Variants in FBXO15 observed in about 807,000 individuals in gnomAD.
FBXO15 encodes the protein F-box only protein 15.
FBXO15 carries 30 observed loss-of-function variants against 49.5 expected under a neutral mutation model. That is an observed-to-expected ratio of 0.61 (90% confidence interval 0.45 to 0.82). FBXO15 has a LOEUF of 0.82. Ranked by LOEUF, FBXO15 falls within the 40% of genes least tolerant of loss-of-function variation. The pLI, the probability that FBXO15 is intolerant of heterozygous loss-of-function variation, is 0.00. For missense variants in FBXO15, 591 were observed against 631.5 expected, an observed-to-expected ratio of 0.94 and a Z score of 0.69; for synonymous variants, 250 against 232.7, an observed-to-expected ratio of 1.07 and a Z score of -0.68.
At chr18:74,082,079 A>G in intron 8 of FBXO15, 28 bp from the exon 9 acceptor site, 1 of 1,603,088 alleles carries the variant, frequency 6.2e-7, no homozygotes, top group Non-Finnish European at 8.5e-7. Context: ...TGTTTCAATC[A>G]CTGTCTTCCA....
chr18:74,117,922 A>G (rs1018297912), intron 8 of FBXO15, among the ~76,000 whole-genome samples: 1 of 152,146 alleles, frequency 6.6e-6, no homozygotes, highest in African/African-American at 2.4e-5. Flanking sequence ...CCTAGCACCT[A>G]ACAGGTCCTA....
intron 8 of FBXO15, among the ~76,000 whole-genome samples, chr18:74,084,695 G>A (rs78077360): frequency 0.011 from 1,723 of 152,250 alleles, 36 homozygotes; most frequent in African/African-American, 0.039. Flanking sequence ...AATACAATTT[G>A]AGGCTCACCA....
chr18:74,073,582 G>A lies in FBXO15; in HGVS notation c.1412C>T (p.Ala471Val), dbSNP rs368529418. 37 of 1,614,184 alleles carry A rather than the reference G, an allele frequency of 2.3e-5. 1 individual carries two copies. In the Middle Eastern group the frequency reaches 9.9e-4, roughly 43 times the overall value. ...CAGCTCCACGTGCACTCTTCCTTCC[G>A]CATCAACGTAGTCCACGTTGTATGT... ...GQTYNVDYVD[A>V]EGRVHVELVW... The change falls in exon 10 of 10, where the codon GCG becomes GTG. Residue 471 changes from alanine (A) to valine (V), a missense_variant. Ala to Val is a moderately conservative substitution (Grantham distance 64). Coordinates refer to ENST00000419743, the MANE Select transcript of FBXO15 (RefSeq NM_001142958.2).
intron 8 of FBXO15, among the ~76,000 whole-genome samples, chr18:74,106,776 C>A (rs1250849552): frequency 6.6e-6 from 1 of 152,058 alleles, no homozygotes; most frequent in Non-Finnish European, 1.5e-5. Context: ...CCTCTCAAAT[C>A]AATAGATATT....
intron 1 of FBXO15, among the ~76,000 whole-genome samples, chr18:74,143,753 C>T (rs536133865): frequency 3.9e-5 from 6 of 152,316 alleles, no homozygotes; most frequent in Admixed American, 3.3e-4. Context: ...GTCTATATGG[C>T]TTGCTCCCTC....
At chr18:74,109,191 CAAA>C (rs1288632116) in intron 8 of FBXO15, among the ~76,000 whole-genome samples, 2 of 152,126 alleles carry the variant, frequency 1.3e-5, no homozygotes, top group Non-Finnish European at 2.9e-5. Flanking sequence ...AGACACTTCT[CAAA>C]AGAAGACATT....
chr18:74,082,240 C>A, intron 8 of FBXO15, 189 bp from the exon 9 acceptor site: 2 of 444,814 alleles, frequency 4.5e-6, no homozygotes, highest in Non-Finnish European at 7.8e-6. Context: ...GTCCCAGAGG[C>A]AGAAACATTA....
At chr18:74,117,038 C>T (rs189479682) in intron 8 of FBXO15, among the ~76,000 whole-genome samples, 61 of 152,258 alleles carry the variant, frequency 4.0e-4, no homozygotes, top group Non-Finnish European at 7.1e-4. Context: ...TATACCCAAA[C>T]GCAATGACAT....
chr18:74,104,488 A>G (rs947196360), intron 8 of FBXO15, among the ~76,000 whole-genome samples: 1 of 152,140 alleles, frequency 6.6e-6, no homozygotes, highest in African/African-American at 2.4e-5. Context: ...GCAGAGTGGC[A>G]GAATGGATAA....
chr18:74,108,789 A>T (rs556053149), intron 8 of FBXO15, among the ~76,000 whole-genome samples: 19 of 152,292 alleles, frequency 1.2e-4, no homozygotes, highest in Admixed American at 5.2e-4. Context: ...CAAAAATGTT[A>T]AGATCCTGAA....
chr18:74,097,083 G>C (rs1286604957), intron 8 of FBXO15: 5 of 152,250 alleles, frequency 3.3e-5, no homozygotes, highest in Admixed American at 3.3e-4. Flanking sequence ...AAAGCCCTGT[G>C]GGCTCTCTGG....
intron 9 of FBXO15, among the ~76,000 whole-genome samples, chr18:74,077,717 G>A (rs537550755): frequency 3.9e-5 from 6 of 152,184 alleles, no homozygotes; most frequent in Non-Finnish European, 8.8e-5. Context: ...AATACTGAGG[G>A]CCAGCAGATG....
At chr18:74,123,921 T>C (rs1209372000) in intron 7 of FBXO15, among the ~76,000 whole-genome samples, 1 of 151,882 alleles carries the variant, frequency 6.6e-6, no homozygotes, top group Admixed American at 6.6e-5. Flanking sequence ...AGACAAAGTT[T>C]TATTCAACAA....
At chr18:74,131,805 G>A (rs1568179013) in intron 3 of FBXO15, among the ~76,000 whole-genome samples, 1 of 152,218 alleles carries the variant, frequency 6.6e-6, no homozygotes, top group African/African-American at 2.4e-5. Context: ...AGCAGTCAAC[G>A]GCCTGGAGGC....
intron 7 of FBXO15, among the ~76,000 whole-genome samples, chr18:74,124,125 A>G (rs1244815153): frequency 6.6e-6 from 1 of 152,210 alleles, no homozygotes; most frequent in Non-Finnish European, 1.5e-5. Context: ...GACCGGACAG[A>G]ATCATCCGCA....
chr18:74,110,804 G>C (rs1426664078), intron 8 of FBXO15, among the ~76,000 whole-genome samples: 1 of 152,122 alleles, frequency 6.6e-6, no homozygotes, highest in Non-Finnish European at 1.5e-5. Context: ...AAACTTACCA[G>C]GGATAAAAAG....
At chr18:74,088,717 T>C (rs2037168849) in intron 8 of FBXO15, among the ~76,000 whole-genome samples, 1 of 152,248 alleles carries the variant, frequency 6.6e-6, no homozygotes, top group South Asian at 2.1e-4. Context: ...AATTTTTAAA[T>C]AGTTTTTATC....
intron 8 of FBXO15, among the ~76,000 whole-genome samples, chr18:74,117,659 CAT>C (rs1202806624): frequency 6.6e-6 from 1 of 152,090 alleles, no homozygotes; most frequent in Non-Finnish European, 1.5e-5. Context: ...TCATCAATAA[CAT>C]GGGGAGGTGA....
chr18:74,132,530 T>C (rs1308953749), intron 3 of FBXO15, among the ~76,000 whole-genome samples: 1 of 152,200 alleles, frequency 6.6e-6, no homozygotes, highest in Non-Finnish European at 1.5e-5. Context: ...TACATGATCA[T>C]ATATTACTTA....
Sources: gnomAD v4.1 joint callset for allele counts (sites outside exome capture counted in the v4.1 genomes callset) on GRCh38, gnomAD v4.1.1 for gene constraint, MANE v1.5 for transcripts, NCBI Gene and HGNC (gene_info 2026-07-23, HGNC 2026-07-21) for gene names.